Variants in EXTL3 observed in about 807,000 individuals in gnomAD.
The protein encoded by EXTL3 is exostosin-like 3.
A neutral mutation model predicts 69.3 loss-of-function variants in EXTL3; 27 were observed. The observed-to-expected ratio is 0.39, with a 90% CI of 0.29 to 0.54. The LOEUF is 0.54. Among genes scored for constraint, EXTL3 ranks in the 20% least tolerant of loss-of-function variants. EXTL3 has a pLI of 0.69. For synonymous variants in EXTL3, 511 were observed against 499.4 expected (o/e 1.02, Z -0.31); for missense variants, 1,003 against 1,231.8 (o/e 0.81, Z 2.78).
At chr8:28,709,497 C>CCTCCTGTCT (rs141518113) in intron 1 of EXTL3, among the ~76,000 whole-genome samples, 7 of 152,080 alleles carry the variant, frequency 4.6e-5, no homozygotes, top group Non-Finnish European at 8.8e-5. Context: ...CCCTGTCGCG[C>CCTCCTGTCT]CTCCTGTCTC....
At chr8:28,719,656 AT>A (rs1340759065) in intron 3 of EXTL3, among the ~76,000 whole-genome samples, 1 of 152,116 alleles carries the variant, frequency 6.6e-6, no homozygotes, top group African/African-American at 2.4e-5. Flanking sequence ...TAAATAGGGA[AT>A]TTTTTTAATA....
intron 5 of EXTL3, among the ~76,000 whole-genome samples, chr8:28,739,163 G>T (rs1399681579): frequency 6.6e-6 from 1 of 152,188 alleles, no homozygotes; most frequent in Non-Finnish European, 1.5e-5. Flanking sequence ...ATTGTTTCCA[G>T]CATATCTCCC....
At chr8:28,666,813 G>A (rs1807204365) in intron 1 of EXTL3, among the ~76,000 whole-genome samples, 1 of 152,196 alleles carries the variant, frequency 6.6e-6, no homozygotes, top group Middle Eastern at 3.2e-3. Context: ...GACCTCAGGT[G>A]ATCTGCCTGC....
At chr8:28,739,390 G>A (rs1801728328) in intron 5 of EXTL3, among the ~76,000 whole-genome samples, 1 of 151,960 alleles carries the variant, frequency 6.6e-6, no homozygotes, top group African/African-American at 2.4e-5. Context: ...GTAATGGTGG[G>A]GTCTCAGCTC....
upstream of EXTL3, among the ~76,000 whole-genome samples, chr8:28,619,137 C>T (rs926788975): frequency 6.8e-6 from 1 of 147,036 alleles, no homozygotes; most frequent in Non-Finnish European, 1.5e-5. Flanking sequence ...ACCTGTGTCT[C>T]AGTTCTGTTA....
At chr8:28,723,638 C>CGGTTT (rs1563218026) in intron 3 of EXTL3, among the ~76,000 whole-genome samples, 1 of 124,728 alleles carries the variant, frequency 8.0e-6, no homozygotes, top group African/African-American at 3.0e-5. Context: ...GGGCTCAGGA[C>CGGTTT]TGTTTTTTTT....
At chr8:28,661,114 C>T (rs1210873184) in intron 1 of EXTL3, among the ~76,000 whole-genome samples, 4 of 151,710 alleles carry the variant, frequency 2.6e-5, no homozygotes, top group African/African-American at 9.7e-5. Flanking sequence ...GGGGTTTCAT[C>T]GTGTTAGCCA....
intron 1 of EXTL3, among the ~76,000 whole-genome samples, chr8:28,646,724 A>G (rs567156651): frequency 6.6e-6 from 1 of 152,350 alleles, no homozygotes; most frequent in South Asian, 2.1e-4. Context: ...TTCACATGCC[A>G]GCTTAGCTAT....
Position 28,717,082 on chromosome 8 carries a change from T to C in EXTL3, c.1023T>C (p.Tyr341=), listed in dbSNP as rs200034404. The change falls in exon 3 of 7, where the codon TAT becomes TAC. Residue 341 remains tyrosine (Y), a synonymous_variant. Coordinates refer to ENST00000220562, the MANE Select transcript of EXTL3 (RefSeq NM_001440.4). The surrounding 1 kb of genome is among the most constrained non-coding windows in gnomAD (Gnocchi z 8.3). ...IPPQVPVKRK[Y]LFTFQGEKIE... is the part of the protein sequence containing the mutation. Reference sequence around the variant, plus strand: ...CACAGGTGCCGGTGAAGCGGAAATATCTCTTCACCTTCCAGGGCGAGAAGA... The same window carrying C: ...CACAGGTGCCGGTGAAGCGGAAATACCTCTTCACCTTCCAGGGCGAGAAGA... 8 of 1,614,062 alleles carry C rather than the reference T, an allele frequency of 5.0e-6. No individual in the cohort carries two copies. The highest frequency in any genetic ancestry group is 6.8e-6 in the Non-Finnish European group (8 of 1,180,036).
At chr8:28,745,330 C>T (rs1801867527) in intron 6 of EXTL3, among the ~76,000 whole-genome samples, 1 of 152,232 alleles carries the variant, frequency 6.6e-6, no homozygotes, top group Admixed American at 6.5e-5. Context: ...CTGATTGTCC[C>T]AGGGTTTCAT....
chr8:28,722,437 C>G (rs1192837882), intron 3 of EXTL3, among the ~76,000 whole-genome samples: 1 of 152,134 alleles, frequency 6.6e-6, no homozygotes, highest in African/African-American at 2.4e-5. Flanking sequence ...ACTGCAAGGT[C>G]TCTGTGGAAG....
chr8:28,676,957 A>G (rs952877359), intron 1 of EXTL3, among the ~76,000 whole-genome samples: 6 of 152,174 alleles, frequency 3.9e-5, no homozygotes, highest in Admixed American at 2.6e-4. Context: ...TCTGCAGACC[A>G]TGCTTTGGGT....
upstream of EXTL3, among the ~76,000 whole-genome samples, chr8:28,622,573 G>A (rs1282400364): frequency 6.6e-6 from 1 of 150,842 alleles, no homozygotes; most frequent in Non-Finnish European, 1.5e-5. Flanking sequence ...GGGGCGTTAG[G>A]GGGCGGGGCC....
chr8:28,737,448 A>T, intron 4 of EXTL3, 71 bp from the exon 5 acceptor site: 1 of 1,551,452 alleles, frequency 6.4e-7, no homozygotes, highest in South Asian at 1.1e-5. Flanking sequence ...GGTGGAGGCA[A>T]TAACTGTGAA....
chr8:28,721,157 T>C (rs959316214), intron 3 of EXTL3, among the ~76,000 whole-genome samples: 1 of 152,206 alleles, frequency 6.6e-6, no homozygotes, highest in African/African-American at 2.4e-5. Flanking sequence ...TTCTGGAAAG[T>C]GTTGATATTT....
Position 28,737,604 on chromosome 8 carries a change from A to G in EXTL3, c.2362A>G (p.Asn788Asp), listed in dbSNP as rs1585292210. 2 of 1,613,972 alleles carry G rather than the reference A, an allele frequency of 1.2e-6. No homozygotes were observed. The highest frequency in any genetic ancestry group is 1.3e-5 in the African/African-American group (1 of 74,916). ...CATCCCCCATCAGTCCTGGCTCTACAACTCCAACTACTCCTGTGAGCTGTC... is the reference window on the plus strand; with the variant it reads ...CATCCCCCATCAGTCCTGGCTCTACGACTCCAACTACTCCTGTGAGCTGTC... ...WDIPHQSWLY[N>D]SNYSCELSMV... The change falls in exon 5 of 7, where the codon AAC becomes GAC. Residue 788 changes from asparagine (N) to aspartate (D), a missense_variant. Transcript: ENST00000220562.
At chr8:28,685,870 TA>T (rs1438057099) in intron 1 of EXTL3, 1 of 151,708 alleles carries the variant, frequency 6.6e-6, no homozygotes, top group Non-Finnish European at 1.5e-5. Flanking sequence ...TTTTTATTTT[TA>T]TTTTTTTTCT....
intron 4 of EXTL3, 73 bp downstream of exon 4, chr8:28,731,423 T>C: frequency 6.4e-7 from 1 of 1,561,078 alleles, no homozygotes; most frequent in Non-Finnish European, 8.8e-7. Context: ...GCAAAATGAA[T>C]TTTTTGGCTG....
chr8:28,669,550 T>C (rs1385956300), intron 1 of EXTL3, among the ~76,000 whole-genome samples: 1 of 152,204 alleles, frequency 6.6e-6, no homozygotes, highest in Non-Finnish European at 1.5e-5. Flanking sequence ...GGTGTGTGTG[T>C]TGTGCAAACT....
Sources: gnomAD v4.1 joint callset for allele counts (sites outside exome capture counted in the v4.1 genomes callset) on GRCh38, gnomAD v4.1.1 for gene constraint, Gnocchi (gnomAD v3.1) non-coding constraint, MANE v1.5 for transcripts, NCBI Gene and HGNC (gene_info 2026-07-23, HGNC 2026-07-21) for gene names.